MUC6: variants seen among roughly 807,000 people sequenced by gnomAD.
MUC6 encodes the protein mucin-6.
In MUC6, 188 loss-of-function variants were observed where a neutral mutation model predicts 201.5. That is an observed-to-expected ratio of 0.93 (90% CI 0.83 to 1.05). MUC6 has a LOEUF of 1.05. MUC6 is among the 50% of genes least tolerant of loss of function. MUC6 has a pLI of 0.00. For missense variants in MUC6, 2,706 were observed against 3,256.9 expected (o/e 0.83, Z 4.12); for synonymous variants, 1,228 against 1,389.4 (o/e 0.88, Z 2.58).
intron 8 of MUC6, among the ~76,000 whole-genome samples, chr11:1,029,832 T>C (rs1379627419): frequency 6.6e-6 from 1 of 152,126 alleles, no homozygotes; most frequent in Non-Finnish European, 1.5e-5. Flanking sequence ...CGCAACTCTA[T>C]GTCAGGCCCT....
Position 1,025,239 on chromosome 11 carries a change from C to G in MUC6, c.2928G>C (p.Leu976=), listed in dbSNP as rs1856927041. Residue 976 remains leucine, a synonymous_variant, in exon 23 of 33, where the codon CTG becomes CTC. Coordinates refer to ENST00000421673, the MANE Select transcript of MUC6 (RefSeq NM_005961.3). ...TCATGTGCCTGTTCCAGATGAGCGT[C>G]AGGTTGTACCTCCCGGGGATGCTGA... The part of the protein sequence containing the change: ...VDISIPGRYN[L]TLIWNRHMTI... The G allele has an allele frequency of 6.2e-7, 1 of 1,612,724 alleles. No individual in the cohort carries two copies.
In MUC6 at chr11:1,030,683, G is replaced by C. The variant is rs781026427; in HGVS notation, c.782C>G (p.Ala261Gly). 18 of 1,549,684 alleles carry C rather than the reference G, an allele frequency of 1.2e-5. No individual in the cohort carries two copies. Among genetic ancestry groups the C allele is most frequent in the African/African-American group, 1.4e-5 (1 of 73,290 alleles). ...GCTGTTCTGTGGGCCTGGCTGGGGG[G>C]CTGCGGCCACGTCCGCCTGGCAGCT... Reference protein sequence around the residue: ...VLSCQADVAAAPQPGPQNSSC... With the variant: ...VLSCQADVAAGPQPGPQNSSC... Residue 261 changes from alanine to glycine, a missense_variant, in exon 7 of 33, where the codon GCC (alanine) becomes GGC (glycine). This residue lies in a region of MUC6 where 1,850 missense variants were observed against 1,958.3 expected (regional missense o/e 0.94). Coordinates refer to ENST00000421673, the MANE Select transcript of MUC6 (RefSeq NM_005961.3).
At chr11:1,019,114 G>A (rs768253496) in intron 30 of MUC6, among the ~76,000 whole-genome samples, 161 bp downstream of exon 30, 4 of 152,210 alleles carry the variant, frequency 2.6e-5, no homozygotes, top group African/African-American at 4.8e-5. Flanking sequence ...AGTGCCAGGC[G>A]GCCTTCCTTG....
At chr11:1,024,715 C>T in intron 24 of MUC6, 129 bp downstream of exon 24, 2 of 1,419,142 alleles carry the variant, frequency 1.4e-6, no homozygotes, top group South Asian at 1.4e-5. Context: ...CTGAAACTCT[C>T]TGCACCCTGA....
chr11:1,025,951 G>A (rs1490927147), intron 21 of MUC6, 36 bp from the exon 22 acceptor site: 1 of 1,595,744 alleles, frequency 6.3e-7, no homozygotes, highest in Non-Finnish European at 8.5e-7. Flanking sequence ...AGCCCTGGAG[G>A]CCGTGCCTCT....
At position 1,013,357 on chromosome 11, in the gene MUC6, G is replaced by A. The variant is rs1200004162; in HGVS notation, c.*99C>T. Reference sequence around the variant, plus strand: ...ACTTGGGGGCCAGGCCTGGTGACCAGGAAAGCAGCTGCTGGCACAAGCGGG... The same window carrying A: ...ACTTGGGGGCCAGGCCTGGTGACCAAGAAAGCAGCTGCTGGCACAAGCGGG... On this transcript the variant is annotated 3_prime_UTR_variant, in exon 33 of 33. Coordinates refer to ENST00000421673, the MANE Select transcript of MUC6 (RefSeq NM_005961.3). 1.5e-6 allele frequency: 2 copies of A among 1,323,824 alleles called. No homozygotes were observed. Among genetic ancestry groups the A allele is most frequent in the Non-Finnish European group, 2.0e-6 (2 of 977,512 alleles). The allele number at this position is 1,323,824 out of a possible 1,614,324, so 82.0% of individuals were successfully genotyped here. A position where few individuals can be genotyped will look rare whatever the true frequency, so the allele number is the denominator to read the frequency against.
chr11:1,031,953 C>G lies in MUC6; in HGVS notation c.216G>C (p.Ala72=), dbSNP rs767059347. The G allele has an allele frequency of 1.9e-6, 3 of 1,613,526 alleles. No homozygotes were observed. The highest frequency in any genetic ancestry group is 1.7e-6 in the Non-Finnish European group (2 of 1,179,882). ...TGGGGAAGGCGTCCTTGCAGGTGGC[C>G]GCGAAGATGTAGTTGCACGTCCCCG... is the stretch of plus-strand genomic sequence containing the variant. ...DFSGTCNYIF[A]ATCKDAFPTF... The change falls in exon 3 of 33, where the codon GCG becomes GCC. Residue 72 remains alanine, a synonymous_variant. Coordinates refer to ENST00000421673, the MANE Select transcript of MUC6 (RefSeq NM_005961.3).
chr11:1,019,385 C>T lies in MUC6; in HGVS notation c.3920G>A (p.Arg1307Lys). ...TKPTVTQATT[R>K]ATASTASPAT... ...TGGGCTGGCGGTCGACGCCGTGGCCCTGGTTGTGGCCTGGGTCACTGTGGG... is the reference window on the plus strand; with the variant it reads ...TGGGCTGGCGGTCGACGCCGTGGCCTTGGTTGTGGCCTGGGTCACTGTGGG... The change falls in exon 30 of 33, where the codon AGG (arginine) becomes AAG (lysine). Residue 1307 changes from arginine (R) to lysine (K), a missense_variant. Around this residue, in one of 10 missense-constraint regions of MUC6, gnomAD observed 1,850 missense variants for 1,958.3 expected, o/e 0.94. Transcript: ENST00000421673. 1 of 1,613,662 alleles carries T rather than the reference C, an allele frequency of 6.2e-7. No individual in the cohort carries two copies. Among genetic ancestry groups the T allele is most frequent in the Non-Finnish European group, 8.5e-7 (1 of 1,179,662 alleles).
Position 1,031,268 on chromosome 11 carries a change from G to T in MUC6, c.484-9C>A, listed in dbSNP as rs1857097244. Reference sequence around the variant, plus strand: ...TTCCGCTCCACCAGAACCTGCGGGAGACGGCTCTGCTGGGGGCCCGGGGGC... The same window carrying T: ...TTCCGCTCCACCAGAACCTGCGGGATACGGCTCTGCTGGGGGCCCGGGGGC... On this transcript the variant is annotated splice_polypyrimidine_tract_variant and intron_variant, in intron 4 of 32. Coordinates refer to ENST00000421673, the MANE Select transcript of MUC6 (RefSeq NM_005961.3). 3.2e-6 allele frequency: 5 copies of T among 1,558,758 alleles called. No homozygotes were observed. The highest frequency in any genetic ancestry group is 4.3e-6 in the Non-Finnish European group (5 of 1,152,170).
chr11:1,019,737 G>A (rs1051513539), intron 29 of MUC6, among the ~76,000 whole-genome samples: 1 of 152,178 alleles, frequency 6.6e-6, no homozygotes, highest in African/African-American at 2.4e-5. Context: ...GCCCACCCTT[G>A]CTTAGCTGAA....
In MUC6 at chr11:1,026,940, C is replaced by G. The variant is rs765071909; in HGVS notation, c.2394+1G>C. ...TCCCTGCTCCTCGCGCGCCCCCTTACGCAGGCAACACCGGTGGCCAGCATC... is the reference window on the plus strand; with the variant it reads ...TCCCTGCTCCTCGCGCGCCCCCTTAGGCAGGCAACACCGGTGGCCAGCATC... On this transcript the variant is annotated splice_donor_variant, in intron 19 of 32. Transcript: ENST00000421673. LOFTEE classifies it high-confidence loss of function. The G allele has an allele frequency of 6.3e-7, 1 of 1,579,894 alleles. No individual in the cohort carries two copies. Among genetic ancestry groups the G allele is most frequent in the Non-Finnish European group, 8.6e-7 (1 of 1,163,406 alleles).
Position 1,027,952 on chromosome 11 carries a change from C to G in MUC6, c.1848+13G>C. 4.5e-6 allele frequency: 7 copies of G among 1,566,466 alleles called. No individual in the cohort carries two copies. Among genetic ancestry groups the G allele is most frequent in the Non-Finnish European group, 6.1e-6 (7 of 1,156,058 alleles). On this transcript the variant is annotated intron_variant, in intron 15 of 32. Transcript: ENST00000421673. ...TCCCCTGCAGCCCTCCCAAGACGCC[C>G]TCGGGCCCTCACCTTGTAGAAGGGT...
rs771992615 is a variant in MUC6, at chr11:1,028,292, G to A, written c.1687C>T (p.Arg563Trp). The A allele has an allele frequency of 2.5e-5, 41 of 1,608,800 alleles. No homozygotes were observed. The highest frequency in any genetic ancestry group is 3.1e-5 in the Non-Finnish European group (37 of 1,178,396). ...AGAGCGGCCGGACAGTTCCCCGCCC[G>A]CCAGGAGTCCACAAACAGCGAGGCG... ...GTASLFVDSW[R>W]AGNCPAALER... The change falls in exon 14 of 33, where the codon CGG becomes TGG. Residue 563 changes from arginine (R) to tryptophan (W), a missense_variant. By Grantham distance (101) the Arg-to-Trp change is moderately radical (BLOSUM62 -3). Transcript: ENST00000421673.
rs369772466 is a variant in MUC6 at position 1,026,941 on chromosome 11, G to T, written c.2394C>A (p.Cys798Ter). The T allele has an allele frequency of 1.3e-6, 2 of 1,581,334 alleles. No homozygotes were observed. Among genetic ancestry groups the T allele is most frequent in the East Asian group, 2.3e-5 (1 of 43,092 alleles). The stretch of plus-strand genomic sequence containing the variant: ...CCCTGCTCCTCGCGCGCCCCCTTAC[G>T]CAGGCAACACCGGTGGCCAGCATCT... ...TCQMLATGVACVPTKCEPGCV... is the reference protein window; with the variant it reads ...TCQMLATGVA Residue 798 changes from cysteine (C) to a stop codon, truncating the protein, a stop_gained and splice_region_variant, in exon 19 of 33, where the codon TGC becomes TGA. Transcript: ENST00000421673. LOFTEE classifies it high-confidence loss of function.
At chr11:1,021,368 C>CTTTTTTTTT (rs541461716) in intron 26 of MUC6, 91 bp from the exon 27 acceptor site, 1 of 449,010 alleles carries the variant, frequency 2.2e-6, no homozygotes, top group South Asian at 6.0e-5. Flanking sequence ...TTCCTCTCTG[C>CTTTTTTTTT]TTTTTTTTTT....
At position 1,026,312 on chromosome 11, in the gene MUC6, G is replaced by C. The variant is rs200449256; in HGVS notation, c.2546+15C>G. The C allele has an allele frequency of 1.9e-6, 3 of 1,562,846 alleles. No homozygotes were observed. Among genetic ancestry groups the C allele is most frequent in the Non-Finnish European group, 2.6e-6 (3 of 1,155,172 alleles). On this transcript the variant is annotated intron_variant, in intron 20 of 32. Coordinates refer to ENST00000421673, the MANE Select transcript of MUC6 (RefSeq NM_005961.3). The stretch of plus-strand genomic sequence containing the variant: ...CCCAGGAGCCCAGGGCGTCTGAAGC[G>C]AGGCTTTGTCTCACCAGGTCCTGCA...
chr11:1,024,208 T>C, intron 24 of MUC6, 105 bp from the exon 25 acceptor site: 1 of 1,348,270 alleles, frequency 7.4e-7, no homozygotes, highest in Non-Finnish European at 1.0e-6. Flanking sequence ...AGTGTGGCGG[T>C]AAGGGCGCTG....
Position 1,033,429 on chromosome 11 carries a change from G to A in MUC6, c.53-354C>T, listed in dbSNP as rs1857155876. On this transcript the variant is annotated intron_variant, in intron 1 of 32. Transcript: ENST00000421673. The surrounding 1 kb of genome is among the most constrained non-coding windows in gnomAD (Gnocchi z 5.6). ...TAGGAGGGGCTGGTGCGGGTGGCAG[G>A]GGCTTGGCGGCGGAGCCAACAAAGT... is the stretch of plus-strand genomic sequence containing the variant. 6.6e-6 allele frequency among the ~76,000 whole-genome samples: 1 copy of A among 152,124 alleles called. No individual in the cohort carries two copies. The highest frequency in any genetic ancestry group is 1.9e-4 in the East Asian group (1 of 5,184).
Position 1,027,299 on chromosome 11 carries a change from C to G in MUC6, c.2200G>C (p.Glu734Gln). ...ILEGYKFILA[E>Q]QSTVINGITC... ...ATGCCGTTGATGACAGTGGACTGCTCGGCCAGGATGAACTTGTAACCCTCC... is the reference window on the plus strand; with the variant it reads ...ATGCCGTTGATGACAGTGGACTGCTGGGCCAGGATGAACTTGTAACCCTCC... Residue 734 changes from glutamate to glutamine, a missense_variant, in exon 17 of 33, where the codon GAG (glutamate) becomes CAG (glutamine). Glu to Gln is a conservative substitution (Grantham distance 29). Coordinates refer to ENST00000421673, the MANE Select transcript of MUC6 (RefSeq NM_005961.3). 1 of 1,612,720 alleles carries G rather than the reference C, an allele frequency of 6.2e-7. No homozygotes were observed.
Sources: gnomAD v4.1 joint callset for allele counts (sites outside exome capture counted in the v4.1 genomes callset) on GRCh38, gnomAD v4.1.1 for gene constraint, gnomAD v4.1.1 regional missense constraint, Gnocchi (gnomAD v3.1) non-coding constraint, MANE v1.5 for transcripts, NCBI Gene and HGNC (gene_info 2026-07-23, HGNC 2026-07-21) for gene names.